Variants in PIK3CA observed in about 807,000 individuals in gnomAD.
PIK3CA encodes phosphatidylinositol 4,5-bisphosphate 3-kinase catalytic subunit alpha isoform.
Under a neutral mutation model 138.2 loss-of-function variants are expected in PIK3CA, and 27 were observed. The ratio of observed to expected loss-of-function variants is 0.20; its 90% CI spans 0.14 to 0.27. PIK3CA has a LOEUF of 0.27. PIK3CA is among the 10% of genes least tolerant of loss of function. PIK3CA has a pLI of 1.00. For missense variants in PIK3CA, 544 were observed against 1,277.4 expected (o/e 0.43, Z 8.75); for synonymous variants, 358 against 413.2 (o/e 0.87, Z 1.62).
In PIK3CA at chr3:179,219,656, T is replaced by G; in HGVS notation, c.1832T>G (p.Val611Gly). ...LLDCNYPDPMVRGFAVRCLEK... is the reference protein window; with the variant it reads ...LLDCNYPDPMGRGFAVRCLEK... ...GACTGTAATTACCCAGATCCTATGGTTCGAGGTTTTGCTGTTCGGTGCTTG... is the reference window on the plus strand; with the variant it reads ...GACTGTAATTACCCAGATCCTATGGGTCGAGGTTTTGCTGTTCGGTGCTTG... The change falls in exon 12 of 21, where the codon GTT (valine) becomes GGT (glycine). Residue 611 changes from valine (V) to glycine (G), a missense_variant. By Grantham distance (109) the Val-to-Gly change is moderately radical. This residue lies in a region of PIK3CA where 22 missense variants were observed against 30.5 expected (regional missense o/e 0.72). Coordinates refer to ENST00000263967, the MANE Select transcript of PIK3CA (RefSeq NM_006218.4). This position sits in a 1 kb window ranked among gnomAD's most constrained non-coding sequence, Gnocchi z 4.2. 6.2e-7 allele frequency: 1 copy of G among 1,611,280 alleles called. No individual in the cohort carries two copies. Among genetic ancestry groups the G allele is most frequent in the Non-Finnish European group, 8.5e-7 (1 of 1,177,790 alleles).
rs922094845 is a variant in PIK3CA, at chr3:179,220,417, C to G, written c.2015+365C>G. On this transcript the variant is annotated intron_variant, in intron 13 of 20. Transcript: ENST00000263967. The surrounding 1 kb of genome is among the most constrained non-coding windows in gnomAD (Gnocchi z 4.1). Reference sequence around the variant, plus strand: ...TTTACCTTGAAATTCAGAACAATGTCAAACTCCCGTGGTTCTTACTGAAAA... The same window carrying G: ...TTTACCTTGAAATTCAGAACAATGTGAAACTCCCGTGGTTCTTACTGAAAA... Among the ~76,000 whole-genome samples the G allele has an allele frequency of 4.6e-5, 7 of 152,114 alleles. No individual in the cohort carries two copies. The highest frequency in any genetic ancestry group is 7.2e-5 in the African/African-American group (3 of 41,422).
At chr3:179,208,907 T>A (rs1275615469) in intron 6 of PIK3CA, among the ~76,000 whole-genome samples, 1 of 150,350 alleles carries the variant, frequency 6.7e-6, no homozygotes, top group Non-Finnish European at 1.5e-5. Context: ...AGTAACTAAA[T>A]GTAATCATAA....
At chr3:179,221,679 A>G (rs1724969825) in intron 14 of PIK3CA, among the ~76,000 whole-genome samples, 1 of 144,950 alleles carries the variant, frequency 6.9e-6, no homozygotes, top group Non-Finnish European at 1.5e-5. Flanking sequence ...AACTAAGAGT[A>G]GGAAATACAA....
chr3:179,150,157 CTG>C (rs966894207), intron 1 of PIK3CA, among the ~76,000 whole-genome samples: 10 of 139,466 alleles, frequency 7.2e-5, no homozygotes, highest in Non-Finnish European at 1.4e-4. Context: ...CTGAAGAGGA[CTG>C]TGTGTGTTTA....
At chr3:179,203,489 A>T (rs2108392323) in intron 4 of PIK3CA, 55 bp from the exon 5 acceptor site, 3 of 1,527,830 alleles carry the variant, frequency 2.0e-6, no homozygotes, top group Non-Finnish European at 1.8e-6. Flanking sequence ...CTGACATGTT[A>T]CTTTTAAAAT....
intron 14 of PIK3CA, among the ~76,000 whole-genome samples, chr3:179,222,472 T>TTAC (rs1724990724): frequency 6.6e-6 from 1 of 152,222 alleles, no homozygotes. Flanking sequence ...TTTAGATACA[T>TTAC]TTGTAAATAC....
At chr3:179,158,474 G>C (rs968347425) in intron 1 of PIK3CA, among the ~76,000 whole-genome samples, 1 of 152,022 alleles carries the variant, frequency 6.6e-6, no homozygotes, top group Non-Finnish European at 1.5e-5. Flanking sequence ...TGTGCTGTTA[G>C]ATACTTCCTT....
At chr3:179,159,100 T>C (rs943841462) in intron 1 of PIK3CA, among the ~76,000 whole-genome samples, 4 of 152,218 alleles carry the variant, frequency 2.6e-5, no homozygotes, top group Non-Finnish European at 5.9e-5. Context: ...TGGAGGTTTC[T>C]TCAGAAATTA....
At position 179,239,529 on chromosome 3, in the gene PIK3CA, A is replaced by T; in HGVS notation, c.*5165A>T. On this transcript the variant is annotated 3_prime_UTR_variant, in exon 21 of 21. Coordinates refer to ENST00000263967, the MANE Select transcript of PIK3CA (RefSeq NM_006218.4). ...AGAGAGGTTGGAGAACTTGGCCTTC[A>T]TCTGATTTCAAAAATGTTTTGAGTT... The T allele has an allele frequency of 4.6e-6, 1 of 216,628 alleles. No homozygotes were observed. The highest frequency in any genetic ancestry group is 9.3e-6 in the Non-Finnish European group (1 of 107,690). The allele number at this position is 216,628 out of a possible 1,614,324, so 13.4% of individuals were successfully genotyped here. A position where few individuals can be genotyped will look rare whatever the true frequency, so the allele number is the denominator to read the frequency against.
chr3:179,175,063 C>T (rs1723661965), intron 1 of PIK3CA, among the ~76,000 whole-genome samples: 2 of 152,092 alleles, frequency 1.3e-5, no homozygotes, highest in South Asian at 2.1e-4. Flanking sequence ...TTTTTGTCTT[C>T]ATCCTGGAAA....
At chr3:179,226,889 G>C (rs1259410931) in intron 17 of PIK3CA, among the ~76,000 whole-genome samples, 3 of 152,018 alleles carry the variant, frequency 2.0e-5, no homozygotes, top group Admixed American at 6.6e-5. Context: ...CTTAACCCCT[G>C]CTGCTTTCCA....
intron 14 of PIK3CA, among the ~76,000 whole-genome samples, chr3:179,222,820 A>G (rs1376391563): frequency 9.9e-5 from 15 of 152,252 alleles, no homozygotes; most frequent in Non-Finnish European, 2.2e-4. Flanking sequence ...TCAAAATTTG[A>G]CATATAATTT....
intron 1 of PIK3CA, among the ~76,000 whole-genome samples, chr3:179,176,901 C>T (rs1031083481): frequency 6.6e-6 from 1 of 152,164 alleles, no homozygotes; most frequent in African/African-American, 2.4e-5. Context: ...CAGACTGTCT[C>T]CCAGAAAGTT....
chr3:179,229,617 C>G (rs574135122), intron 18 of PIK3CA, among the ~76,000 whole-genome samples, 175 bp downstream of exon 18: 23 of 152,042 alleles, frequency 1.5e-4, no homozygotes. Context: ...ATTATAATTA[C>G]TTTTAATTTG....
At chr3:179,199,221 C>T in intron 2 of PIK3CA, 44 bp downstream of exon 2, 1 of 1,238,628 alleles carries the variant, frequency 8.1e-7, no homozygotes, top group Non-Finnish European at 1.1e-6. Flanking sequence ...AACCATAAAG[C>T]TTAACTGTTG....
chr3:179,174,790 G>A (rs1723654612), intron 1 of PIK3CA, among the ~76,000 whole-genome samples: 1 of 152,088 alleles, frequency 6.6e-6, no homozygotes, highest in Non-Finnish European at 1.5e-5. Context: ...TAGTAATAAA[G>A]CAAATGCTAC....
intron 1 of PIK3CA, among the ~76,000 whole-genome samples, chr3:179,184,342 G>A (rs1482681798): frequency 1.3e-5 from 2 of 152,120 alleles, no homozygotes; most frequent in Non-Finnish European, 2.9e-5. Context: ...TATCTGCTTT[G>A]CTTATTATTT....
Position 179,236,046 on chromosome 3 carries a change from A to G in PIK3CA, c.*1682A>G. 1 of 207,298 alleles carries G rather than the reference A, an allele frequency of 4.8e-6. No individual in the cohort carries two copies. 12.8% of individuals were successfully genotyped at this position (207,298 alleles called of 1,614,324 possible). ...GCATATTATTGGAAAACAACTTTAT[A>G]AAGAGTGAACATTGTATACTCTAGT... is the stretch of plus-strand genomic sequence containing the variant. On this transcript the variant is annotated 3_prime_UTR_variant, in exon 21 of 21. Transcript: ENST00000263967.
At position 179,187,537 on chromosome 3, in the gene PIK3CA, C is replaced by CAA. The variant is rs375116506; in HGVS notation, c.-76-11194_-76-11193dup. On this transcript the variant is annotated intron_variant, in intron 1 of 20. Transcript: ENST00000263967. ...TGGGCAACAGAGCAAGACTCCGCCT[C>CAA]AAAAAAAAAAAAAAAAAAAAGAGAG... Among the ~76,000 whole-genome samples, 136 of 63,230 alleles carry CAA rather than the reference C, an allele frequency of 2.2e-3. 1 individual carries two copies. Among genetic ancestry groups the CAA allele is most frequent in the Middle Eastern group, 0.012 (1 of 86 alleles). 41.5% of individuals were successfully genotyped at this position (63,230 alleles called of 152,430 possible).
Sources: gnomAD v4.1 joint callset for allele counts (sites outside exome capture counted in the v4.1 genomes callset) on GRCh38, gnomAD v4.1.1 for gene constraint, gnomAD v4.1.1 regional missense constraint, Gnocchi (gnomAD v3.1) non-coding constraint, MANE v1.5 for transcripts, NCBI Gene and HGNC (gene_info 2026-07-23, HGNC 2026-07-21) for gene names.